ELF4: variants seen among roughly 807,000 people sequenced by gnomAD.
ELF4 encodes the protein E74 like ETS transcription factor 4.
In ELF4, 10 loss-of-function variants were observed where a neutral mutation model predicts 31.7. The ratio of observed to expected loss-of-function variants is 0.32; its 90% CI spans 0.19 to 0.54. The LOEUF is 0.54. Among genes scored for constraint, ELF4 ranks in the 20% least tolerant of loss-of-function variants. The pLI is 0.95. For missense variants in ELF4, 418 were observed against 522.0 expected (o/e 0.80, Z 1.94); for synonymous variants, 208 against 226.7 (o/e 0.92, Z 0.74).
In ELF4 at chrX:130,081,459, G is replaced by C. The variant is rs1036147359; in HGVS notation, c.-129C>G. 4 of 708,573 alleles carry C rather than the reference G, an allele frequency of 5.6e-6. No individual in the cohort carries two copies. Among genetic ancestry groups the C allele is most frequent in the South Asian group, 2.2e-5 (1 of 44,933 alleles). The allele number at this position is 708,573 out of a possible 1,213,427, so 58.4% of individuals were successfully genotyped here. ...TACCCCCTGAGCTGCAGTAAAATAG[G>C]GGGTGGAGAGAGCTGGAGTAGGTGG... On this transcript the variant is annotated 5_prime_UTR_variant, in exon 2 of 9. Coordinates refer to ENST00000308167, the MANE Select transcript of ELF4 (RefSeq NM_001421.4).
Position 130,067,239 on chromosome X carries a change from C to A in ELF4, c.1474G>T (p.Gly492Trp). ...GCCGGGTTGGTCGGACGGTTGGCCC[C>A]AGCCAGAAGTTGGGGGAGGCCACTG... Reference protein sequence around the residue: ...ILSGLPQLLAGANRPTNPAPP... With the variant: ...ILSGLPQLLAWANRPTNPAPP... The change falls in exon 9 of 9, where the codon GGG becomes TGG. Residue 492 changes from glycine (G) to tryptophan (W), a missense_variant. Physicochemically the swap from Gly to Trp is radical, Grantham distance 184 (BLOSUM62 -2). Transcript: ENST00000308167. The A allele has an allele frequency of 8.2e-7, 1 of 1,212,143 alleles. No homozygotes were observed. Among genetic ancestry groups the A allele is most frequent in the Non-Finnish European group, 1.1e-6 (1 of 895,476 alleles).
At position 130,110,346 on chromosome X, in the gene ELF4, G is replaced by A. The variant is rs1251827177; in HGVS notation, c.-231C>T. On this transcript the variant is annotated 5_prime_UTR_variant, in exon 1 of 9. Coordinates refer to ENST00000308167, the MANE Select transcript of ELF4 (RefSeq NM_001421.4). ...GTACCTGAGGCCGAGTGGCTCACGG[G>A]CCCAGCTCGGTCGCCGGGCCGGGGT... 14 of 110,315 alleles carry A rather than the reference G, an allele frequency of 1.3e-4. No homozygotes were observed. Among genetic ancestry groups the A allele is most frequent in the African/African-American group, 4.3e-4 (13 of 30,425 alleles). The allele number at this position is 110,315 out of a possible 1,213,427, so 9.1% of individuals were successfully genotyped here.
intron 1 of ELF4, among the ~76,000 whole-genome samples, chrX:130,108,825 C>A (rs1248597257): frequency 9.2e-6 from 1 of 108,520 alleles, no homozygotes; most frequent in African/African-American, 3.4e-5. Flanking sequence ...CCCACCCCTG[C>A]CCCCAACAAG....
chrX:130,066,686 T>G lies in ELF4; in HGVS notation c.*35A>C. ...TCCCTATGAAAATGCTGCTCAATTT[T>G]GCCTGGTGGGTCACACTTGCCCTGA... On this transcript the variant is annotated 3_prime_UTR_variant, in exon 9 of 9. Coordinates refer to ENST00000308167, the MANE Select transcript of ELF4 (RefSeq NM_001421.4). 8.4e-7 allele frequency: 1 copy of G among 1,194,005 alleles called. No individual in the cohort carries two copies. Among genetic ancestry groups the G allele is most frequent in the Non-Finnish European group, 1.1e-6 (1 of 882,065 alleles).
intron 1 of ELF4, among the ~76,000 whole-genome samples, chrX:130,083,084 T>C (rs1988418780): frequency 9.4e-6 from 1 of 105,843 alleles, no homozygotes; most frequent in Non-Finnish European, 2.0e-5. Flanking sequence ...GCCGTGCCTT[T>C]GCCCCACCCC....
intron 1 of ELF4, among the ~76,000 whole-genome samples, chrX:130,096,722 C>T (rs978664548): frequency 1.8e-5 from 2 of 111,316 alleles, no homozygotes; most frequent in Non-Finnish European, 3.8e-5. Context: ...GGCTCCAAGG[C>T]TGTTTCCTCC....
intron 7 of ELF4, among the ~76,000 whole-genome samples, chrX:130,070,607 A>G (rs948109471): frequency 1.9e-5 from 2 of 102,766 alleles, no homozygotes; most frequent in East Asian, 6.0e-4. Flanking sequence ...AAAATAAAAA[A>G]AAAACATACA....
rs1456098032 is a variant in ELF4, at chrX:130,097,160, G to A, written c.-210+13165C>T. On this transcript the variant is annotated intron_variant, in intron 1 of 8. Coordinates refer to ENST00000308167, the MANE Select transcript of ELF4 (RefSeq NM_001421.4). Reference sequence around the variant, plus strand: ...AAAAAAAAAAAAAAAAAAAGCAGCCGGGTGCGGCGGCTCACACCTGTAATC... The same window carrying A: ...AAAAAAAAAAAAAAAAAAAGCAGCCAGGTGCGGCGGCTCACACCTGTAATC... 7.5e-5 allele frequency among the ~76,000 whole-genome samples: 8 copies of A among 105,990 alleles called. No homozygotes were observed. The South Asian group carries it at 1.3e-3, about 17-fold the overall frequency. The allele number at this position is 105,990 out of a possible 115,157, so 92.0% of individuals were successfully genotyped here. A position where few individuals can be genotyped will look rare whatever the true frequency, so the allele number is the denominator to read the frequency against.
chrX:130,089,066 G>T (rs1933007537), intron 1 of ELF4, among the ~76,000 whole-genome samples: 1 of 111,270 alleles, frequency 9.0e-6, no homozygotes, highest in Non-Finnish European at 1.9e-5. Context: ...CCCTTTCACA[G>T]AAGGGAGGGG....
intron 1 of ELF4, among the ~76,000 whole-genome samples, chrX:130,086,452 G>C (rs760474506): frequency 2.3e-3 from 254 of 111,962 alleles, no homozygotes; most frequent in African/African-American, 7.9e-3. Flanking sequence ...GAGGAGGAGT[G>C]ATTAGATGGC....
At chrX:130,070,771 C>CAAAAAA (rs748643492) in intron 7 of ELF4, among the ~76,000 whole-genome samples, 1 of 24,025 alleles carries the variant, frequency 4.2e-5, no homozygotes. Context: ...GACTCCATCT[C>CAAAAAA]AAAAAAAAAA....
At chrX:130,088,373 T>C (rs1192189906) in intron 1 of ELF4, among the ~76,000 whole-genome samples, 2 of 111,183 alleles carry the variant, frequency 1.8e-5, no homozygotes, top group African/African-American at 6.6e-5. Flanking sequence ...GGAGATACAG[T>C]AGCTGTAGAG....
intron 1 of ELF4, among the ~76,000 whole-genome samples, chrX:130,096,326 G>A (rs1377618485): frequency 9.0e-6 from 1 of 110,863 alleles, no homozygotes; most frequent in Non-Finnish European, 1.9e-5. Context: ...GGGACTACAG[G>A]TGTGTGCCAG....
chrX:130,072,809 T>G (rs1932800015), intron 4 of ELF4, among the ~76,000 whole-genome samples: 1 of 111,962 alleles, frequency 8.9e-6, no homozygotes, highest in African/African-American at 3.2e-5. Context: ...AGAGGGGAAG[T>G]CATGTGCCCA....
chrX:130,098,654 C>T (rs1376644229), intron 1 of ELF4, among the ~76,000 whole-genome samples: 1 of 112,094 alleles, frequency 8.9e-6, no homozygotes, highest in Non-Finnish European at 1.9e-5. Context: ...CAGACCTAAC[C>T]ACTGAGCGAG....
In ELF4 at chrX:130,081,420, T is replaced by C; in HGVS notation, c.-90A>G. The C allele has an allele frequency of 2.1e-6, 2 of 961,225 alleles. No individual in the cohort carries two copies. Among genetic ancestry groups the C allele is most frequent in the Admixed American group, 2.2e-5 (1 of 45,114 alleles). The allele number at this position is 961,225 out of a possible 1,213,427, so 79.2% of individuals were successfully genotyped here. Reference sequence around the variant, plus strand: ...ATGAAGGGACAATACCCAGGTACTTTGGAGCCTAGAGCCTACCCCCTGAGC... The same window carrying C: ...ATGAAGGGACAATACCCAGGTACTTCGGAGCCTAGAGCCTACCCCCTGAGC... On this transcript the variant is annotated 5_prime_UTR_variant, in exon 2 of 9. Coordinates refer to ENST00000308167, the MANE Select transcript of ELF4 (RefSeq NM_001421.4).
upstream of ELF4, chrX:130,110,686 A>G (rs1933470685): frequency 9.4e-6 from 1 of 106,874 alleles, no homozygotes; most frequent in South Asian, 4.1e-4. Context: ...CGCGCCGCCA[A>G]TGGCAAGTTG....
In ELF4 at chrX:130,066,724, T is replaced by C. The variant is rs778927302; in HGVS notation, c.1989A>G (p.Ile663Met). ...TSLIKMEPHD[I>M] Reference sequence around the variant, plus strand: ...ACACTTGCCCTGACCCCTTTGCTTATATGTCATGGGGCTCCATCTTAATGA... The same window carrying C: ...ACACTTGCCCTGACCCCTTTGCTTACATGTCATGGGGCTCCATCTTAATGA... Residue 663 changes from isoleucine (I) to methionine (M), a missense_variant, in exon 9 of 9, where the codon ATA becomes ATG. Coordinates refer to ENST00000308167, the MANE Select transcript of ELF4 (RefSeq NM_001421.4). The C allele has an allele frequency of 8.3e-7, 1 of 1,210,129 alleles. No individual in the cohort carries two copies. The highest frequency in any genetic ancestry group is 1.8e-5 in the South Asian group (1 of 56,871).
intron 2 of ELF4, among the ~76,000 whole-genome samples, chrX:130,079,571 T>G (rs996303374): frequency 9.0e-6 from 1 of 111,032 alleles, no homozygotes; most frequent in Non-Finnish European, 1.9e-5. Context: ...GAGTCACCCT[T>G]GCAAGGAAAA....
Sources: allele counts gnomAD v4.1 joint callset (sites outside exome capture counted in the v4.1 genomes callset), GRCh38; gene constraint gnomAD v4.1.1; transcripts MANE v1.5; gene names NCBI Gene and HGNC (gene_info 2026-07-23, HGNC 2026-07-21).